Variants in FRMPD1 observed in about 807,000 individuals in gnomAD.
FRMPD1 encodes the protein FERM and PDZ domain-containing protein 1.
A neutral mutation model predicts 117.8 loss-of-function variants in FRMPD1; 76 were observed. The observed-to-expected ratio is 0.65, with a 90% CI of 0.54 to 0.78. FRMPD1 has a LOEUF of 0.78. Among genes scored for constraint, FRMPD1 ranks in the 30% least tolerant of loss-of-function variants. The pLI, the probability that FRMPD1 is intolerant of heterozygous loss-of-function variation, is 0.00. For synonymous variants in FRMPD1, 783 were observed against 770.4 expected (o/e 1.02, Z -0.27); for missense variants, 1,786 against 1,964.5 (o/e 0.91, Z 1.72).
chr9:37,673,182 A>G (rs1034792298), intron 1 of FRMPD1, among the ~76,000 whole-genome samples: 2 of 152,180 alleles, frequency 1.3e-5, no homozygotes, highest in African/African-American at 4.8e-5. Flanking sequence ...CCTAGATACA[A>G]TGGGGGTACA....
At chr9:37,693,976 C>G (rs966024693) in intron 2 of FRMPD1, among the ~76,000 whole-genome samples, 1 of 152,164 alleles carries the variant, frequency 6.6e-6, no homozygotes, top group Non-Finnish European at 1.5e-5. Context: ...TTGTGCTCCC[C>G]CTGGTGCATT....
the FRMPD1 span, among the ~76,000 whole-genome samples, chr9:37,638,112 C>T: frequency 2.5e-4 from 37 of 150,946 alleles, no homozygotes; most frequent in African/African-American, 7.3e-4. Context: ...CTTGCTCTGT[C>T]GCCCAGCCTG....
chr9:37,631,448 T>C, the FRMPD1 span, among the ~76,000 whole-genome samples: 19 of 152,366 alleles, frequency 1.2e-4, no homozygotes, highest in African/African-American at 4.6e-4. Flanking sequence ...GTTAGATAGC[T>C]TTTATTAACT....
At chr9:37,642,329 C>A in the FRMPD1 span, among the ~76,000 whole-genome samples, 6 of 152,150 alleles carry the variant, frequency 3.9e-5, no homozygotes, top group African/African-American at 1.4e-4. Context: ...TCCTTTCCAT[C>A]CTTAGAGCCT....
At chr9:37,605,390 G>T in the FRMPD1 span, among the ~76,000 whole-genome samples, 9 of 152,208 alleles carry the variant, frequency 5.9e-5, no homozygotes, top group African/African-American at 2.2e-4. Context: ...TGCATTGAAA[G>T]GGGTAGGAAA....
chr9:37,669,760 G>C (rs573195064), intron 1 of FRMPD1: 5 of 152,092 alleles, frequency 3.3e-5, no homozygotes, highest in Non-Finnish European at 7.3e-5. Flanking sequence ...TTGGGAGGCC[G>C]AGGCGGGTGG....
Position 37,745,443 on chromosome 9 carries a change from G to A in FRMPD1, c.3411G>A (p.Pro1137=), listed in dbSNP as rs62640009. ...EESRKDSGDS[P]GDVSNNVSQT... is the part of the protein sequence containing the mutation. ...CTAGGAAGGATTCAGGTGACTCCCC[G>A]GGTGATGTGTCAAATAATGTTTCAC... The change falls in exon 16 of 16, where the codon CCG becomes CCA. Residue 1137 remains proline (P), a synonymous_variant. Transcript: ENST00000377765. 3.6e-3 allele frequency: 5,769 copies of A among 1,613,738 alleles called. 177 individuals carry two copies. The African/African-American group carries it at 0.065, about 18-fold the overall frequency.
At chr9:37,622,971 A>AG in the FRMPD1 span, among the ~76,000 whole-genome samples, 1 of 152,200 alleles carries the variant, frequency 6.6e-6, no homozygotes. Flanking sequence ...TTCTCCAAAG[A>AG]GGGATCTTTT....
chr9:37,644,879 G>C, the FRMPD1 span, among the ~76,000 whole-genome samples: 8 of 152,186 alleles, frequency 5.3e-5, no homozygotes. Flanking sequence ...AAGAGATGAA[G>C]AAAATAGTGC....
the FRMPD1 span, among the ~76,000 whole-genome samples, chr9:37,644,284 G>A: frequency 1.3e-5 from 2 of 152,102 alleles, no homozygotes; most frequent in African/African-American, 2.4e-5. Context: ...GGGGTAGCTG[G>A]GCCCCTCAGG....
intron 5 of FRMPD1, among the ~76,000 whole-genome samples, chr9:37,711,726 G>T (rs558833395): frequency 2.6e-5 from 4 of 152,282 alleles, no homozygotes; most frequent in Non-Finnish European, 5.9e-5. Flanking sequence ...AAATCATTTA[G>T]TTTCAGTTTT....
At chr9:37,604,539 C>A in the FRMPD1 span, among the ~76,000 whole-genome samples, 1 of 152,228 alleles carries the variant, frequency 6.6e-6, no homozygotes, top group East Asian at 1.9e-4. Flanking sequence ...TTGCTCAGAG[C>A]AACTCCTTCC....
intron 1 of FRMPD1, among the ~76,000 whole-genome samples, chr9:37,657,213 A>G (rs2119371233): frequency 6.6e-6 from 1 of 152,310 alleles, no homozygotes; most frequent in African/African-American, 2.4e-5. Flanking sequence ...TATAGGGTGT[A>G]GGCTACAGCT....
At chr9:37,652,790 C>T (rs1019883438) in intron 1 of FRMPD1, among the ~76,000 whole-genome samples, 2 of 152,184 alleles carry the variant, frequency 1.3e-5, no homozygotes, top group Non-Finnish European at 2.9e-5. Context: ...ACCAACAGGC[C>T]CTACCCTCAA....
At chr9:37,690,874 AAG>A (rs1230378990) in intron 1 of FRMPD1, among the ~76,000 whole-genome samples, 1 of 152,158 alleles carries the variant, frequency 6.6e-6, no homozygotes, top group African/African-American at 2.4e-5. Flanking sequence ...GGAAGGGCAA[AAG>A]AGCACACAAG....
chr9:37,637,018 G>A, the FRMPD1 span: 2 of 1,551,808 alleles, frequency 1.3e-6, no homozygotes, highest in Non-Finnish European at 1.8e-6. Context: ...AGGATTCCTG[G>A]TCAGTGACGT....
At chr9:37,685,729 A>G (rs565683391) in intron 1 of FRMPD1, among the ~76,000 whole-genome samples, 1 of 151,694 alleles carries the variant, frequency 6.6e-6, no homozygotes, top group South Asian at 2.1e-4. Context: ...CGCTAGCCCT[A>G]TTATTTGTGA....
At chr9:37,660,010 A>G (rs988444256) in intron 1 of FRMPD1, among the ~76,000 whole-genome samples, 1 of 149,750 alleles carries the variant, frequency 6.7e-6, no homozygotes, top group Admixed American at 6.7e-5. Context: ...GGGGGAGGGT[A>G]GTGGCCTGGG....
intron 15 of FRMPD1, among the ~76,000 whole-genome samples, chr9:37,743,617 A>C (rs12551499): frequency 0.18 from 25,491 of 142,678 alleles, 2,293 homozygotes; most frequent in Admixed American, 0.23. Flanking sequence ...GCGTGGACAG[A>C]GCATCTTCGT....
Sources: gnomAD v4.1 joint callset for allele counts (sites outside exome capture counted in the v4.1 genomes callset) on GRCh38, gnomAD v4.1.1 for gene constraint, MANE v1.5 for transcripts, NCBI Gene and HGNC (gene_info 2026-07-23, HGNC 2026-07-21) for gene names.